Variants in ACTR3C observed in about 807,000 individuals in gnomAD.
ACTR3C encodes the protein actin-related protein 3C.
In ACTR3C, 18 loss-of-function variants were observed where a neutral mutation model predicts 26.3. The observed-to-expected ratio is 0.68, with a 90% CI of 0.47 to 1.01. The LOEUF (loss-of-function observed/expected upper bound fraction) is 1.01. Ranked by LOEUF, ACTR3C falls within the 50% of genes least tolerant of loss-of-function variation. The pLI is 0.00. For missense variants in ACTR3C, 184 were observed against 250.7 expected, an observed-to-expected ratio of 0.73 and a Z score of 1.80; for synonymous variants, 55 against 94.5, an observed-to-expected ratio of 0.58 and a Z score of 2.42.
chr7:150,039,011 A>G, the ACTR3C span, among the ~76,000 whole-genome samples: 37 of 95,150 alleles, frequency 3.9e-4, no homozygotes, highest in African/African-American at 1.6e-3. Flanking sequence ...GGGGGCGGGG[A>G]AGAGGGTCTG....
the ACTR3C span, among the ~76,000 whole-genome samples, chr7:149,958,756 A>G: frequency 4.7e-4 from 71 of 152,324 alleles, 1 homozygote; most frequent in South Asian, 0.014. Flanking sequence ...TCAAGTCCAC[A>G]TATTTTCTGT....
At chr7:150,057,170 G>A in the ACTR3C span, among the ~76,000 whole-genome samples, 1 of 151,502 alleles carries the variant, frequency 6.6e-6, no homozygotes, top group African/African-American at 2.4e-5. Context: ...GAACTCATGA[G>A]TATTCCAAGA....
At chr7:149,958,669 T>G in the ACTR3C span, among the ~76,000 whole-genome samples, 3 of 152,242 alleles carry the variant, frequency 2.0e-5, no homozygotes, top group African/African-American at 7.2e-5. Context: ...TAAAACATCT[T>G]GGCTGTGTCT....
the ACTR3C span, among the ~76,000 whole-genome samples, chr7:150,132,236 T>A: frequency 1.3e-5 from 2 of 152,182 alleles, no homozygotes; most frequent in Admixed American, 6.5e-5. Flanking sequence ...TAACTGCTAA[T>A]AGGTTTGAAG....
the ACTR3C span, among the ~76,000 whole-genome samples, chr7:149,884,068 C>A: frequency 6.6e-6 from 1 of 152,184 alleles, no homozygotes; most frequent in Non-Finnish European, 1.5e-5. Flanking sequence ...CAAAGAGCAG[C>A]CCTCAGTTAA....
intron 6 of ACTR3C, among the ~76,000 whole-genome samples, chr7:150,280,797 G>GTGT (rs1563174765): frequency 7.5e-6 from 1 of 132,554 alleles, no homozygotes. Flanking sequence ...TCCTGCTCTT[G>GTGT]ATGTGTGTGT....
the ACTR3C span, among the ~76,000 whole-genome samples, chr7:150,179,761 G>A: frequency 6.6e-6 from 1 of 151,782 alleles, no homozygotes; most frequent in African/African-American, 2.4e-5. Context: ...AAAGTGCTGG[G>A]ATTACAGCTA....
chr7:149,998,646 G>A, the ACTR3C span, among the ~76,000 whole-genome samples: 4 of 149,932 alleles, frequency 2.7e-5, no homozygotes, highest in African/African-American at 9.8e-5. Context: ...CCATCTCCAC[G>A]ATTAAATTAC....
the ACTR3C span, among the ~76,000 whole-genome samples, chr7:150,070,063 A>G: frequency 7.2e-5 from 11 of 152,234 alleles, no homozygotes; most frequent in Admixed American, 7.2e-4. Flanking sequence ...GAAGGCAAGC[A>G]AAGATGCGCT....
chr7:149,995,658 T>G, the ACTR3C span, among the ~76,000 whole-genome samples: 1 of 152,222 alleles, frequency 6.6e-6, no homozygotes, highest in Admixed American at 6.5e-5. Flanking sequence ...AGAGGAAGCT[T>G]TCCAGAACAC....
the ACTR3C span, among the ~76,000 whole-genome samples, chr7:150,130,212 T>C: frequency 2.0e-5 from 3 of 152,130 alleles, no homozygotes; most frequent in Admixed American, 6.5e-5. Context: ...ATTAAAACTA[T>C]AAAATTTCTA....
intron 3 of ACTR3C, among the ~76,000 whole-genome samples, chr7:150,290,515 C>T (rs554020843): frequency 7.2e-5 from 11 of 152,108 alleles, no homozygotes; most frequent in Non-Finnish European, 1.6e-4. Context: ...CGTTACAGCA[C>T]ATCACAGCTT....
chr7:150,145,082 C>T, the ACTR3C span, among the ~76,000 whole-genome samples: 3 of 151,622 alleles, frequency 2.0e-5, no homozygotes, highest in East Asian at 3.9e-4. Flanking sequence ...CCCCCCTTTC[C>T]TATTTTTCAC....
At chr7:149,981,476 A>C in the ACTR3C span, among the ~76,000 whole-genome samples, 2 of 150,072 alleles carry the variant, frequency 1.3e-5, no homozygotes, top group African/African-American at 4.8e-5. Flanking sequence ...AGCCAGGAGG[A>C]GTCCTTTGAC....
chr7:150,092,799 C>T, the ACTR3C span, among the ~76,000 whole-genome samples: 1 of 151,102 alleles, frequency 6.6e-6, no homozygotes, highest in African/African-American at 2.5e-5. Flanking sequence ...TGTAGCATGA[C>T]CACACTCTCT....
At chr7:150,156,556 GGAGAGA>G in the ACTR3C span, among the ~76,000 whole-genome samples, 11 of 150,220 alleles carry the variant, frequency 7.3e-5, no homozygotes, top group Non-Finnish European at 1.3e-4. Flanking sequence ...GAGAGAGAGA[GGAGAGA>G]GAGAGAGAGG....
At chr7:150,268,112 T>C (rs1458500560) in intron 6 of ACTR3C, among the ~76,000 whole-genome samples, 1 of 151,826 alleles carries the variant, frequency 6.6e-6, no homozygotes, top group Non-Finnish European at 1.5e-5. Context: ...AGAAGAAAGA[T>C]GCCCTAAAGA....
chr7:150,009,736 G>T, the ACTR3C span, among the ~76,000 whole-genome samples: 1 of 152,240 alleles, frequency 6.6e-6, no homozygotes, highest in Non-Finnish European at 1.5e-5. Context: ...CACCAGAGAA[G>T]AACGATCACT....
the ACTR3C span, among the ~76,000 whole-genome samples, chr7:150,073,038 GC>G: frequency 6.6e-6 from 1 of 152,132 alleles, no homozygotes; most frequent in Non-Finnish European, 1.5e-5. Context: ...ATTTAATGCC[GC>G]CCCCTCCCCA....
Sources: allele counts gnomAD v4.1 joint callset (sites outside exome capture counted in the v4.1 genomes callset), GRCh38; gene constraint gnomAD v4.1.1; transcripts MANE v1.5; gene names NCBI Gene and HGNC (gene_info 2026-07-23, HGNC 2026-07-21).